Variants in TNFSF13B observed in about 807,000 individuals in gnomAD.
The protein encoded by TNFSF13B is TNF superfamily member 13b.
In TNFSF13B, 8 loss-of-function variants were observed where a neutral mutation model predicts 29.1. That is an observed-to-expected ratio of 0.27 (90% CI 0.16 to 0.50). TNFSF13B has a LOEUF of 0.50. Among genes scored for constraint, TNFSF13B ranks in the 20% least tolerant of loss-of-function variants. TNFSF13B has a pLI of 0.98. For missense variants in TNFSF13B, 248 were observed against 334.9 expected (o/e 0.74, Z 2.03); for synonymous variants, 125 against 130.8 (o/e 0.96, Z 0.30).
intron 3 of TNFSF13B, among the ~76,000 whole-genome samples, chr13:108,298,929 C>A (rs1881530915): frequency 6.9e-6 from 1 of 145,464 alleles, no homozygotes; most frequent in South Asian, 2.1e-4. Flanking sequence ...CAAGATGGCA[C>A]CCCTGTCTCC....
chr13:108,276,222 A>C (rs1880759177), intron 2 of TNFSF13B, among the ~76,000 whole-genome samples: 1 of 152,210 alleles, frequency 6.6e-6, no homozygotes, highest in Non-Finnish European at 1.5e-5. Context: ...CTTACCCAGC[A>C]AGGGTGTGTT....
At chr13:108,306,172 T>A (rs1218299057) in intron 5 of TNFSF13B, among the ~76,000 whole-genome samples, 1 of 152,088 alleles carries the variant, frequency 6.6e-6, no homozygotes, top group Non-Finnish European at 1.5e-5. Flanking sequence ...GATTTATTAG[T>A]CATTTTTGAA....
intron 3 of TNFSF13B, among the ~76,000 whole-genome samples, chr13:108,290,355 C>T (rs937234498): frequency 2.2e-4 from 33 of 152,008 alleles, no homozygotes; most frequent in Admixed American, 2.6e-4. Flanking sequence ...TGTGTGCATC[C>T]GTAACTTCTC....
chr13:108,290,681 A>C lies in TNFSF13B; in HGVS notation c.481+3822A>C, dbSNP rs61623947. Among the ~76,000 whole-genome samples, 778 of 152,052 alleles carry C rather than the reference A, an allele frequency of 5.1e-3. 8 individuals are homozygous for C. Among genetic ancestry groups the C allele is most frequent in the African/African-American group, 0.016 (675 of 41,490 alleles). ...ATTTCTGTGAGCACCTTATATCTCA[A>C]GCAGATTAATTCTTTATATTACTAA... On this transcript the variant is annotated intron_variant, in intron 3 of 5. Transcript: ENST00000375887.
intron 3 of TNFSF13B, among the ~76,000 whole-genome samples, chr13:108,293,288 G>A (rs533252300): frequency 6.6e-6 from 1 of 152,100 alleles, no homozygotes; most frequent in African/African-American, 2.4e-5. Context: ...TATACACCTC[G>A]CCTTATGCTG....
intron 2 of TNFSF13B, among the ~76,000 whole-genome samples, chr13:108,281,824 A>G (rs2139049624): frequency 6.6e-6 from 1 of 152,258 alleles, no homozygotes; most frequent in South Asian, 2.1e-4. Context: ...ATGTGTTTTA[A>G]TTTCAGTGAA....
chr13:108,292,230 T>C (rs1048745552), intron 3 of TNFSF13B, among the ~76,000 whole-genome samples: 1 of 152,124 alleles, frequency 6.6e-6, no homozygotes, highest in African/African-American at 2.4e-5. Context: ...ACACAATACG[T>C]GACTTTTAGT....
chr13:108,303,623 AC>A lies in TNFSF13B; in HGVS notation c.745+22del, dbSNP rs1190349003. On this transcript the variant is annotated intron_variant, in intron 5 of 5. Transcript: ENST00000375887. Reference sequence around the variant, plus strand: ...TCAGCTGGTAAATATTAGTTCTCACACCCTGCTAATTGTGAAATGAAGAGAC... The same window carrying A: ...TCAGCTGGTAAATATTAGTTCTCACACCTGCTAATTGTGAAATGAAGAGAC... 1.2e-6 allele frequency: 2 copies of A among 1,601,404 alleles called. No homozygotes were observed. Among genetic ancestry groups the A allele is most frequent in the South Asian group, 2.3e-5 (2 of 88,538 alleles).
At chr13:108,294,282 T>C (rs1330251927) in intron 3 of TNFSF13B, among the ~76,000 whole-genome samples, 1 of 151,652 alleles carries the variant, frequency 6.6e-6, no homozygotes, top group Non-Finnish European at 1.5e-5. Flanking sequence ...TGGGTTCAAG[T>C]GATTCTCGCA....
chr13:108,305,240 T>G (rs992895311), intron 5 of TNFSF13B, among the ~76,000 whole-genome samples: 2 of 152,092 alleles, frequency 1.3e-5, no homozygotes. Context: ...AACCACACAT[T>G]AGAGTATATA....
chr13:108,303,228 T>A (rs1338626524), intron 3 of TNFSF13B, 25 bp from the exon 4 acceptor site: 1 of 1,538,204 alleles, frequency 6.5e-7, no homozygotes, highest in Non-Finnish European at 8.9e-7. Context: ...GTTTCTTTCC[T>A]TATAAATGAT....
intron 2 of TNFSF13B, among the ~76,000 whole-genome samples, chr13:108,283,773 T>C (rs1400004535): frequency 6.6e-6 from 1 of 152,196 alleles, no homozygotes; most frequent in Non-Finnish European, 1.5e-5. Context: ...AGGACTTGCT[T>C]CCTGGCTTGT....
chr13:108,281,351 A>G (rs887894694), intron 2 of TNFSF13B, among the ~76,000 whole-genome samples: 1 of 151,742 alleles, frequency 6.6e-6, no homozygotes, highest in Non-Finnish European at 1.5e-5. Flanking sequence ...ACCCGCTTCC[A>G]AAAAATACCC....
Position 108,270,331 on chromosome 13 carries a change from T to C in TNFSF13B, c.340-9T>C. On this transcript the variant is annotated splice_polypyrimidine_tract_variant and intron_variant, in intron 1 of 5. Coordinates refer to ENST00000375887, the MANE Select transcript of TNFSF13B (RefSeq NM_006573.5). ...TCTTTCTAATAACTTGAAGTTTTTCTGTTCATAGATCTTTGAACCACCAGC... is the reference window on the plus strand; with the variant it reads ...TCTTTCTAATAACTTGAAGTTTTTCCGTTCATAGATCTTTGAACCACCAGC... 2 of 1,614,142 alleles carry C rather than the reference T, an allele frequency of 1.2e-6. No individual in the cohort carries two copies. Among genetic ancestry groups the C allele is most frequent in the Non-Finnish European group, 1.7e-6 (2 of 1,179,978 alleles).
rs138311121 is a variant in TNFSF13B at position 108,288,966 on chromosome 13, T to A, written c.481+2107T>A. ...GTGTTTTTTTCTGCGTGACTTTAATTGTCCTAAATGCAACACAAGTACTAA... is the reference window on the plus strand; with the variant it reads ...GTGTTTTTTTCTGCGTGACTTTAATAGTCCTAAATGCAACACAAGTACTAA... On this transcript the variant is annotated intron_variant, in intron 3 of 5. Coordinates refer to ENST00000375887, the MANE Select transcript of TNFSF13B (RefSeq NM_006573.5). Among the ~76,000 whole-genome samples the A allele has an allele frequency of 6.4e-3, 973 of 152,258 alleles. 12 individuals carry two copies. Among genetic ancestry groups the A allele is most frequent in the African/African-American group, 0.022 (923 of 41,536 alleles).
chr13:108,294,725 A>C (rs1482764283), intron 3 of TNFSF13B, among the ~76,000 whole-genome samples: 1 of 146,990 alleles, frequency 6.8e-6, no homozygotes, highest in Non-Finnish European at 1.5e-5. Context: ...CTCTAGACAT[A>C]CAGAACAAGT....
chr13:108,280,200 G>A (rs1049998905), intron 2 of TNFSF13B, among the ~76,000 whole-genome samples: 1 of 151,398 alleles, frequency 6.6e-6, no homozygotes, highest in African/African-American at 2.4e-5. Flanking sequence ...TAAACCATTC[G>A]AACTTGATTA....
intron 2 of TNFSF13B, among the ~76,000 whole-genome samples, chr13:108,274,549 G>C (rs570220465): frequency 1.5e-4 from 23 of 152,064 alleles, no homozygotes; most frequent in African/African-American, 5.1e-4. Context: ...AAATTCATTT[G>C]AATGTTGTTC....
intron 2 of TNFSF13B, among the ~76,000 whole-genome samples, chr13:108,280,716 CTT>C (rs148214282): frequency 1.5e-4 from 22 of 142,926 alleles, no homozygotes; most frequent in South Asian, 4.4e-4. Flanking sequence ...CATGATAATG[CTT>C]TTTTTTTTTT....
Sources: allele counts gnomAD v4.1 joint callset (sites outside exome capture counted in the v4.1 genomes callset), GRCh38; gene constraint gnomAD v4.1.1; transcripts MANE v1.5; gene names NCBI Gene and HGNC (gene_info 2026-07-23, HGNC 2026-07-21).